Variants in DYRK3 observed in about 807,000 individuals in gnomAD.
DYRK3 encodes the protein dual specificity tyrosine-phosphorylation-regulated kinase 3.
A neutral mutation model predicts 40.8 loss-of-function variants in DYRK3; 30 were observed. That is an observed-to-expected ratio of 0.74 (90% CI 0.55 to 1.00). The LOEUF (loss-of-function observed/expected upper bound fraction) is 1.00, where lower values mean the gene tolerates loss of function less well. Among genes scored for constraint, DYRK3 ranks in the 50% least tolerant of loss-of-function variants. The pLI is 0.00. For missense variants in DYRK3, 699 were observed against 731.5 expected, an observed-to-expected ratio of 0.96 and a Z score of 0.51; for synonymous variants, 272 against 260.7, an observed-to-expected ratio of 1.04 and a Z score of -0.42.
intron 2 of DYRK3, among the ~76,000 whole-genome samples, chr1:206,640,577 G>T (rs1277912088): frequency 7.4e-6 from 1 of 135,316 alleles, no homozygotes; most frequent in East Asian, 2.2e-4. Context: ...TTAAGACAGA[G>T]TCTCGCTCTG....
At position 206,648,924 on chromosome 1, in the gene DYRK3, A is replaced by C. The variant is rs1553420913; in HGVS notation, c.1726A>C (p.Ser576Arg). The C allele has an allele frequency of 1.9e-6, 3 of 1,614,122 alleles. No individual in the cohort carries two copies. The highest frequency in any genetic ancestry group is 2.5e-6 in the Non-Finnish European group (3 of 1,180,030). The change falls in exon 3 of 3, where the codon AGT (serine) becomes CGT (arginine). Residue 576 changes from serine to arginine, a missense_variant. By Grantham distance (110) the Ser-to-Arg change is moderately radical (BLOSUM62 -1). Transcript: ENST00000367109. ...TAACTTAATGTCAGAAACCAATGGT[A>C]GTATACCCCTATGCAGTGTATTGCC... is the stretch of plus-strand genomic sequence containing the variant. ...KANLMSETNG[S>R]IPLCSVLPKL... is the part of the protein sequence containing the mutation.
chr1:206,654,927 AAAG>A lies in DYRK3; in HGVS notation c.*5965_*5967del, dbSNP rs1208514479. ...TTCTGCCACCACATGAATAGACTAA[AAAG>A]AAAGGAGAGTCCCACATCAGGCCAA... On this transcript the variant is annotated 3_prime_UTR_variant, in exon 3 of 3. Coordinates refer to ENST00000367109, the MANE Select transcript of DYRK3 (RefSeq NM_003582.4). 6.6e-6 allele frequency among the ~76,000 whole-genome samples: 1 copy of A among 152,184 alleles called. No homozygotes were observed. The highest frequency in any genetic ancestry group is 2.4e-5 in the African/African-American group (1 of 41,448).
chr1:206,646,543 A>G (rs1671460515), intron 2 of DYRK3, among the ~76,000 whole-genome samples: 2 of 152,192 alleles, frequency 1.3e-5, no homozygotes, highest in Admixed American at 1.3e-4. Context: ...AGGTACTTGA[A>G]GAATTGGTCC....
At position 206,653,555 on chromosome 1, in the gene DYRK3, C is replaced by T. The variant is rs1411194712; in HGVS notation, c.*4590C>T. On this transcript the variant is annotated 3_prime_UTR_variant, in exon 3 of 3. Transcript: ENST00000367109. The stretch of plus-strand genomic sequence containing the variant: ...GCAGATGATGGAAGCTCATTTCCTT[C>T]CATGAACCAGGAGCATGCTCGCCTC... Among the ~76,000 whole-genome samples the T allele has an allele frequency of 3.3e-5, 5 of 152,196 alleles. No individual in the cohort carries two copies. The highest frequency in any genetic ancestry group is 7.3e-5 in the Non-Finnish European group (5 of 68,040).
intron 2 of DYRK3, among the ~76,000 whole-genome samples, chr1:206,641,426 G>A (rs1172620863): frequency 1.4e-5 from 2 of 146,110 alleles, no homozygotes; most frequent in Non-Finnish European, 3.0e-5. Context: ...TCTTTTTTAT[G>A]GCTAAATAGT....
Position 206,647,982 on chromosome 1 carries a change from A to T in DYRK3, c.784A>T (p.Lys262Ter). ...GATCCGGATTTTGGAGCATCTTAAG[A>T]AACAGGATAAAACTGGTAGTATGAA... ...EEIRILEHLK[K>*]QDKTGSMNVI... The change falls in exon 3 of 3, where the codon AAA (lysine) becomes TAA (stop). Residue 262 changes from lysine to a stop codon, truncating the protein, a stop_gained. Coordinates refer to ENST00000367109, the MANE Select transcript of DYRK3 (RefSeq NM_003582.4). LOFTEE classifies it high-confidence loss of function. The T allele has an allele frequency of 1.2e-6, 2 of 1,614,172 alleles. No homozygotes were observed. Among genetic ancestry groups the T allele is most frequent in the East Asian group, 2.2e-5 (1 of 44,882 alleles).
Position 206,648,553 on chromosome 1 carries a change from GCT to G in DYRK3, c.1358_1359del (p.Ser453CysfsTer18). ...AATTCCAAGGGCATACCCCGCTACT[GCT>G]CTGTGACTACCCAGGCAGATGGGAG... On this transcript the variant is annotated frameshift_variant, in exon 3 of 3. Transcript: ENST00000367109. LOFTEE classifies it high-confidence loss of function. The G allele has an allele frequency of 6.2e-7, 1 of 1,614,178 alleles. No individual in the cohort carries two copies. Among genetic ancestry groups the G allele is most frequent in the Non-Finnish European group, 8.5e-7 (1 of 1,180,034 alleles).
chr1:206,639,338 G>A (rs1313036185), intron 2 of DYRK3, among the ~76,000 whole-genome samples: 1 of 152,068 alleles, frequency 6.6e-6, no homozygotes, highest in Non-Finnish European at 1.5e-5. Context: ...AAGAACTTCA[G>A]AACCATATAC....
rs1671524983 is a variant in DYRK3, at chr1:206,648,304, A to G, written c.1106A>G (p.Tyr369Cys). ...SCFEYQKLYTYIQSRFYRAPE... is the reference protein window; with the variant it reads ...SCFEYQKLYTCIQSRFYRAPE... ...TTCGAGTACCAGAAGCTCTACACAT[A>G]TATCCAGTCTCGGTTCTACAGAGCT... The change falls in exon 3 of 3, where the codon TAT becomes TGT. Residue 369 changes from tyrosine to cysteine, a missense_variant. Tyr to Cys is a radical substitution (Grantham distance 194). Coordinates refer to ENST00000367109, the MANE Select transcript of DYRK3 (RefSeq NM_003582.4). The G allele has an allele frequency of 2.5e-6, 4 of 1,614,162 alleles. No homozygotes were observed. Among genetic ancestry groups the G allele is most frequent in the Non-Finnish European group, 3.4e-6 (4 of 1,180,032 alleles).
chr1:206,647,445 A>T lies in DYRK3; in HGVS notation c.247A>T (p.Met83Leu), dbSNP rs139024809. Residue 83 changes from methionine (M) to leucine (L), a missense_variant, in exon 3 of 3, where the codon ATG (methionine) becomes TTG (leucine). By Grantham distance (15) the Met-to-Leu change is conservative. Transcript: ENST00000367109. ...TCAGCACTTTTTGGATGGAGGTGAG[A>T]TGAAGGTAGAACAGCTGTTTCAAGA... is the stretch of plus-strand genomic sequence containing the variant. The part of the protein sequence containing the change: ...HTQHFLDGGE[M>L]KVEQLFQEFG... 79 of 1,614,104 alleles carry T rather than the reference A, an allele frequency of 4.9e-5. No individual in the cohort carries two copies. In the East Asian group the frequency reaches 1.7e-3, roughly 34 times the overall value.
rs1553421570 is a variant in DYRK3, at chr1:206,653,536, G to A, written c.*4571G>A. Among the ~76,000 whole-genome samples the A allele has an allele frequency of 1.3e-5, 2 of 152,172 alleles. No homozygotes were observed. The highest frequency in any genetic ancestry group is 6.5e-5 in the Admixed American group (1 of 15,286). Reference sequence around the variant, plus strand: ...TGATGCCCGCTGATCATGTGCAGATGATGGAAGCTCATTTCCTTCCATGAA... The same window carrying A: ...TGATGCCCGCTGATCATGTGCAGATAATGGAAGCTCATTTCCTTCCATGAA... On this transcript the variant is annotated 3_prime_UTR_variant, in exon 3 of 3. Transcript: ENST00000367109.
At position 206,648,801 on chromosome 1, in the gene DYRK3, A is replaced by C; in HGVS notation, c.1603A>C (p.Lys535Gln). 2.5e-6 allele frequency: 4 copies of C among 1,614,162 alleles called. No homozygotes were observed. Among genetic ancestry groups the C allele is most frequent in the Non-Finnish European group, 3.4e-6 (4 of 1,180,026 alleles). The change falls in exon 3 of 3, where the codon AAG (lysine) becomes CAG (glutamine). Residue 535 changes from lysine to glutamine, a missense_variant. Transcript: ENST00000367109. ...CCCCAGACCTCTCACCACCATAGAC[A>C]AGGTGTCAGGGAAACGGGTAGTTAA... The part of the protein sequence containing the change: ...SVPRPLTTID[K>Q]VSGKRVVNPA...
chr1:206,635,667 C>G lies in DYRK3; in HGVS notation c.-37C>G, dbSNP rs889687056. ...GTGGCGTGGCCGACCGGACCCCCAACTGGCGCCTCTCCCCGCGCGGGGTCC... is the reference window on the plus strand; with the variant it reads ...GTGGCGTGGCCGACCGGACCCCCAAGTGGCGCCTCTCCCCGCGCGGGGTCC... On this transcript the variant is annotated 5_prime_UTR_variant, in exon 1 of 3. Transcript: ENST00000367109. The G allele has an allele frequency of 8.0e-7, 1 of 1,245,480 alleles. No homozygotes were observed. Among genetic ancestry groups the G allele is most frequent in the African/African-American group, 1.5e-5 (1 of 64,582 alleles). The allele number at this position is 1,245,480 out of a possible 1,614,324, so 77.2% of individuals were successfully genotyped here.
chr1:206,654,190 T>G lies in DYRK3; in HGVS notation c.*5225T>G, dbSNP rs948224231. 2.6e-5 allele frequency among the ~76,000 whole-genome samples: 4 copies of G among 152,258 alleles called. No homozygotes were observed. The highest frequency in any genetic ancestry group is 9.6e-5 in the African/African-American group (4 of 41,468). On this transcript the variant is annotated 3_prime_UTR_variant, in exon 3 of 3. Transcript: ENST00000367109. ...TTATTTCTTTTCCATCTGTTATTGA[T>G]GTCATCAACACGGAAGTTGGAAAGG... is the stretch of plus-strand genomic sequence containing the variant.
At position 206,655,074 on chromosome 1, in the gene DYRK3, T is replaced by C. The variant is rs1221730224; in HGVS notation, c.*6109T>C. ...TTTGAGTCTGCTGACATGCTTCCTC[T>C]GGAAAGTGCAGTTTGGCATGGATGA... On this transcript the variant is annotated 3_prime_UTR_variant, in exon 3 of 3. Transcript: ENST00000367109. 6.6e-6 allele frequency among the ~76,000 whole-genome samples: 1 copy of C among 152,232 alleles called. No homozygotes were observed. Among genetic ancestry groups the C allele is most frequent in the Admixed American group, 6.5e-5 (1 of 15,282 alleles).
At position 206,648,729 on chromosome 1, in the gene DYRK3, T is replaced by C. The variant is rs1553420838; in HGVS notation, c.1531T>C (p.Leu511=). 6.2e-7 allele frequency: 1 copy of C among 1,614,046 alleles called. No homozygotes were observed. Among genetic ancestry groups the C allele is most frequent in the East Asian group, 2.2e-5 (1 of 44,880 alleles). ...TCTTCACTGGGACCCCTCTGCCCGC[T>C]TGACCCCAGCTCAAGCATTAAGACA... The part of the protein sequence containing the change: ...RCLHWDPSAR[L]TPAQALRHPW... Residue 511 remains leucine, a synonymous_variant, in exon 3 of 3, where the codon TTG becomes CTG. Coordinates refer to ENST00000367109, the MANE Select transcript of DYRK3 (RefSeq NM_003582.4).
chr1:206,636,518 T>C (rs1383207510), intron 1 of DYRK3, among the ~76,000 whole-genome samples: 1 of 152,232 alleles, frequency 6.6e-6, no homozygotes, highest in Non-Finnish European at 1.5e-5. Flanking sequence ...GTTAAAAATA[T>C]AAATAATTCT....
At chr1:206,646,552 C>A (rs1341531380) in intron 2 of DYRK3, among the ~76,000 whole-genome samples, 3 of 152,116 alleles carry the variant, frequency 2.0e-5, no homozygotes, top group African/African-American at 7.2e-5. Context: ...AAGAATTGGT[C>A]CAGATGATCT....
chr1:206,638,516 C>T (rs1324063820), intron 2 of DYRK3, among the ~76,000 whole-genome samples: 7 of 151,610 alleles, frequency 4.6e-5, no homozygotes, highest in Admixed American at 4.6e-4. Flanking sequence ...CCTCGTGATC[C>T]ACCCGCCTCG....
Sources: allele counts gnomAD v4.1 joint callset (sites outside exome capture counted in the v4.1 genomes callset), GRCh38; gene constraint gnomAD v4.1.1; transcripts MANE v1.5; gene names NCBI Gene and HGNC (gene_info 2026-07-23, HGNC 2026-07-21).